The following ANKRD12 variants were observed in gnomAD, a reference collection of about 807,000 sequenced individuals.
ANKRD12 encodes the protein ankyrin repeat domain 12.
ANKRD12 carries 85 observed loss-of-function variants against 183.4 expected under a neutral mutation model. That is an observed-to-expected ratio of 0.46 (90% CI 0.39 to 0.56). The LOEUF (loss-of-function observed/expected upper bound fraction) is 0.56, where lower values mean the gene tolerates loss of function less well. Among genes scored for constraint, ANKRD12 ranks in the 20% least tolerant of loss-of-function variants. The pLI is 0.00. For missense variants in ANKRD12, 2,405 were observed against 2,357.1 expected, an observed-to-expected ratio of 1.02 and a Z score of -0.42; for synonymous variants, 914 against 800.2, an observed-to-expected ratio of 1.14 and a Z score of -2.40.
chr18:9,270,758 A>G (rs1471881946), intron 10 of ANKRD12, among the ~76,000 whole-genome samples: 2 of 152,164 alleles, frequency 1.3e-5, no homozygotes, highest in African/African-American at 4.8e-5. Context: ...CTAAAACTTA[A>G]AAGTATAATA....
At chr18:9,150,287 C>CA (rs2078643270) in intron 1 of ANKRD12, among the ~76,000 whole-genome samples, 1 of 152,062 alleles carries the variant, frequency 6.6e-6, no homozygotes, top group Non-Finnish European at 1.5e-5. Flanking sequence ...TATCTCGTTT[C>CA]GTCTACCACT....
chr18:9,249,530 C>T (rs984600365), intron 8 of ANKRD12: 6 of 152,126 alleles, frequency 3.9e-5, no homozygotes, highest in African/African-American at 7.2e-5. Context: ...CCTTCCAAAC[C>T]ACTTCAAATA....
chr18:9,197,553 TAAAC>T (rs35674530), intron 3 of ANKRD12, among the ~76,000 whole-genome samples: 26,316 of 152,166 alleles, frequency 0.17, 2,444 homozygotes, highest in African/African-American at 0.21. Context: ...ACCAATAACA[TAAAC>T]AGTCAATTAA....
chr18:9,265,241 C>T (rs937962828), intron 10 of ANKRD12, among the ~76,000 whole-genome samples: 1 of 152,244 alleles, frequency 6.6e-6, no homozygotes, highest in Non-Finnish European at 1.5e-5. Context: ...TCTCTGCAGA[C>T]TTAAATGTCC....
At chr18:9,179,279 C>G (rs574740025) in intron 1 of ANKRD12, among the ~76,000 whole-genome samples, 1 of 151,982 alleles carries the variant, frequency 6.6e-6, no homozygotes, top group Non-Finnish European at 1.5e-5. Flanking sequence ...ATTGAACTTA[C>G]GTAGGACCAC....
At chr18:9,275,251 G>A (rs2039776044) in intron 10 of ANKRD12, among the ~76,000 whole-genome samples, 1 of 152,072 alleles carries the variant, frequency 6.6e-6, no homozygotes, top group South Asian at 2.1e-4. Context: ...GATCACTTGA[G>A]CCCAGGATTT....
intron 8 of ANKRD12, among the ~76,000 whole-genome samples, chr18:9,235,029 G>A (rs1429733089): frequency 6.6e-6 from 1 of 152,008 alleles, no homozygotes; most frequent in African/African-American, 2.4e-5. Flanking sequence ...GGACTTTAAT[G>A]TTCTCTTCCT....
Position 9,193,135 on chromosome 18 carries a change from A to ATT in ANKRD12, c.88-2398_88-2397dup, listed in dbSNP as rs397751904. On this transcript the variant is annotated intron_variant, in intron 2 of 12. Coordinates refer to ENST00000262126, the MANE Select transcript of ANKRD12 (RefSeq NM_015208.5). ...TTAATAGTATAAAATTGAGTACAGC[A>ATT]TTTTTTTTTTTTTTTTTTTGGATAC... Among the ~76,000 whole-genome samples, 509 of 128,434 alleles carry ATT rather than the reference A, an allele frequency of 4.0e-3. 4 individuals are homozygous for ATT. Among genetic ancestry groups the ATT allele is most frequent in the African/African-American group, 0.01 (347 of 33,992 alleles). The allele number at this position is 128,434 out of a possible 152,430, so 84.3% of individuals were successfully genotyped here.
intron 1 of ANKRD12, among the ~76,000 whole-genome samples, chr18:9,174,879 T>C (rs1295962931): frequency 1.3e-5 from 2 of 152,186 alleles, no homozygotes; most frequent in African/African-American, 4.8e-5. Context: ...TGAAGAATAT[T>C]CAAGTCAGAC....
intron 1 of ANKRD12, among the ~76,000 whole-genome samples, chr18:9,143,041 CCT>C (rs2143375234): frequency 6.6e-6 from 1 of 152,252 alleles, no homozygotes; most frequent in Non-Finnish European, 1.5e-5. Context: ...AGTCTTGGAA[CCT>C]CTGAGTTAAA....
chr18:9,145,546 A>G (rs889891599), intron 1 of ANKRD12, among the ~76,000 whole-genome samples: 2 of 152,240 alleles, frequency 1.3e-5, no homozygotes, highest in Non-Finnish European at 2.9e-5. Context: ...TAAGCCATGT[A>G]AAGACACGAA....
intron 2 of ANKRD12, among the ~76,000 whole-genome samples, chr18:9,186,137 A>ATTTTTT (rs11310603): frequency 7.1e-5 from 9 of 126,762 alleles, no homozygotes; most frequent in African/African-American, 1.8e-4. Flanking sequence ...TAAAAGTGTG[A>ATTTTTT]TTTTTTTTTT....
chr18:9,168,698 GT>G (rs1311561415), intron 1 of ANKRD12, among the ~76,000 whole-genome samples: 1 of 152,046 alleles, frequency 6.6e-6, no homozygotes, highest in Non-Finnish European at 1.5e-5. Context: ...TTTTTGAAGG[GT>G]TTTTTGTGTC....
chr18:9,269,908 T>A (rs1021671125), intron 10 of ANKRD12, among the ~76,000 whole-genome samples: 10 of 152,082 alleles, frequency 6.6e-5, no homozygotes, highest in Non-Finnish European at 1.5e-4. Flanking sequence ...TACAATGAAC[T>A]CAAACAGATT....
At chr18:9,173,877 G>A (rs1452802858) in intron 1 of ANKRD12, among the ~76,000 whole-genome samples, 1 of 152,280 alleles carries the variant, frequency 6.6e-6, no homozygotes, top group South Asian at 2.1e-4. Context: ...AAAACTTAAA[G>A]TATAAAAAAA....
intron 1 of ANKRD12, among the ~76,000 whole-genome samples, chr18:9,175,523 C>CTT (rs33944736): frequency 0.025 from 1,321 of 53,250 alleles, 372 homozygotes; most frequent in African/African-American, 0.069. Flanking sequence ...AAAGGCTCCT[C>CTT]TTTTTTTTTT....
chr18:9,175,145 A>G (rs1406749750), intron 1 of ANKRD12, among the ~76,000 whole-genome samples: 1 of 152,068 alleles, frequency 6.6e-6, no homozygotes, highest in Non-Finnish European at 1.5e-5. Context: ...CAAAGCATTT[A>G]AAGCATTGAT....
At chr18:9,230,551 G>A (rs943024578) in intron 8 of ANKRD12, among the ~76,000 whole-genome samples, 1 of 151,632 alleles carries the variant, frequency 6.6e-6, no homozygotes, top group Non-Finnish European at 1.5e-5. Flanking sequence ...TATCACTATA[G>A]TGTTTATTTA....
intron 3 of ANKRD12, among the ~76,000 whole-genome samples, chr18:9,204,012 T>C (rs1386814796): frequency 2.0e-5 from 3 of 152,222 alleles, no homozygotes; most frequent in East Asian, 3.8e-4. Context: ...TTGAAGTGTA[T>C]ATAATTTGTG....
Sources: gnomAD v4.1 joint callset for allele counts (sites outside exome capture counted in the v4.1 genomes callset) on GRCh38, gnomAD v4.1.1 for gene constraint, MANE v1.5 for transcripts, NCBI Gene and HGNC (gene_info 2026-07-23, HGNC 2026-07-21) for gene names.